Variants in FAT1 observed in about 807,000 individuals in gnomAD.
FAT1 encodes protocadherin Fat 1.
Under a neutral mutation model 329.8 loss-of-function variants are expected in FAT1, and 171 were observed. That is an observed-to-expected ratio of 0.52 (90% CI 0.46 to 0.59). The LOEUF (loss-of-function observed/expected upper bound fraction) is 0.59. Ranked by LOEUF, FAT1 falls within the 20% of genes least tolerant of loss-of-function variation. The pLI is 0.00. For synonymous variants in FAT1, 2,233 were observed against 2,228.6 expected (o/e 1.00, Z -0.06); for missense variants, 5,672 against 5,774.4 (o/e 0.98, Z 0.57).
At chr4:186,687,197 C>A (rs1159988760) in intron 2 of FAT1, among the ~76,000 whole-genome samples, 1 of 152,140 alleles carries the variant, frequency 6.6e-6, no homozygotes, top group Non-Finnish European at 1.5e-5. Context: ...AAACACACAA[C>A]CAGAACCACA....
In FAT1 at chr4:186,708,162, T is replaced by C. The variant is rs2126694311; in HGVS notation, c.1666A>G (p.Thr556Ala). ...TCATTCAAGTTATTGAGAGTAATTG[T>C]AGCAAGGACTTCGACTTCCCGGCGG... ...PYRREVEVLATITLNNLNDNT... is the reference protein window; with the variant it reads ...PYRREVEVLAAITLNNLNDNT... Residue 556 changes from threonine to alanine, a missense_variant, in exon 2 of 27, where the codon ACA becomes GCA. Physicochemically the swap from Thr to Ala is moderately conservative, Grantham distance 58. Around this residue, in one of 2 missense-constraint regions of FAT1, gnomAD observed 3,966 missense variants for 3,915.2 expected, o/e 1.01. Coordinates refer to ENST00000441802, the MANE Select transcript of FAT1 (RefSeq NM_005245.4). 1 of 1,613,974 alleles carries C rather than the reference T, an allele frequency of 6.2e-7. No homozygotes were observed. Among genetic ancestry groups the C allele is most frequent in the South Asian group, 1.1e-5 (1 of 91,076 alleles).
chr4:186,621,501 T>C lies in FAT1; in HGVS notation c.5085A>G (p.Ser1695=), dbSNP rs764706630. 2 of 1,614,046 alleles carry C rather than the reference T, an allele frequency of 1.2e-6. No individual in the cohort carries two copies. Among genetic ancestry groups the C allele is most frequent in the East Asian group, 4.5e-5 (2 of 44,880 alleles). The stretch of plus-strand genomic sequence containing the variant: ...CATCTTTTATTTCATACACCACTGA[T>C]GATTGACTATGGGCTGTAACCATCC... ...FVGMVTAHSQ[S]SVVYEIKDGN... The change falls in exon 10 of 27, where the codon TCA becomes TCG. Residue 1695 remains serine, a synonymous_variant. Coordinates refer to ENST00000441802, the MANE Select transcript of FAT1 (RefSeq NM_005245.4).
chr4:186,642,767 A>T (rs1356392785), intron 3 of FAT1, among the ~76,000 whole-genome samples: 3 of 152,190 alleles, frequency 2.0e-5, no homozygotes, highest in Non-Finnish European at 4.4e-5. Context: ...GACTCAGACC[A>T]CACCCACAGA....
intron 2 of FAT1, among the ~76,000 whole-genome samples, chr4:186,685,525 G>A (rs1457375767): frequency 6.6e-6 from 1 of 152,172 alleles, no homozygotes; most frequent in Non-Finnish European, 1.5e-5. Context: ...CCTTAGGTAA[G>A]GATTACGCAG....
Position 186,659,045 on chromosome 4 carries a change from C to T in FAT1, c.3580+4254G>A, listed in dbSNP as rs374947938. Among the ~76,000 whole-genome samples the T allele has an allele frequency of 6.6e-5, 10 of 152,328 alleles. No individual in the cohort carries two copies. The South Asian group carries it at 1.0e-3, about 16-fold the overall frequency. On this transcript the variant is annotated intron_variant, in intron 3 of 26. Coordinates refer to ENST00000441802, the MANE Select transcript of FAT1 (RefSeq NM_005245.4). ...TATACGATCGAACCGCACATACGAC[C>T]GTGGTTGTGAAAGATTAATACCACA...
chr4:186,664,784 GTTC>G (rs1057181847), intron 2 of FAT1, among the ~76,000 whole-genome samples: 1 of 152,122 alleles, frequency 6.6e-6, no homozygotes, highest in Admixed American at 6.6e-5. Context: ...TACTTTCAGT[GTTC>G]TTCTACACCA....
At chr4:186,692,988 T>C (rs1409432759) in intron 2 of FAT1, among the ~76,000 whole-genome samples, 1 of 152,208 alleles carries the variant, frequency 6.6e-6, no homozygotes, top group Non-Finnish European at 1.5e-5. Flanking sequence ...ATCTTTGTGA[T>C]AGAAAATGAA....
chr4:186,590,148 T>C (rs781431703), intron 26 of FAT1, among the ~76,000 whole-genome samples: 8 of 126,034 alleles, frequency 6.3e-5, no homozygotes, highest in Non-Finnish European at 1.3e-4. Context: ...AATTTTGGAA[T>C]AGTTTTTTTT....
chr4:186,686,391 T>C (rs1367451254), intron 2 of FAT1, among the ~76,000 whole-genome samples: 2 of 152,194 alleles, frequency 1.3e-5, no homozygotes, highest in Non-Finnish European at 2.9e-5. Flanking sequence ...TAATGAAGAA[T>C]AAAATATGTG....
At chr4:186,661,069 TA>T (rs770413711) in intron 3 of FAT1, among the ~76,000 whole-genome samples, 2 of 152,192 alleles carry the variant, frequency 1.3e-5, no homozygotes, top group Non-Finnish European at 2.9e-5. Flanking sequence ...CAAATTACTA[TA>T]GGGGTAGTTC....
chr4:186,724,334 T>A (rs1419750131), upstream of FAT1, among the ~76,000 whole-genome samples: 1 of 152,006 alleles, frequency 6.6e-6, no homozygotes, highest in Admixed American at 6.6e-5. This position sits in a 1 kb window ranked among gnomAD's most constrained non-coding sequence, Gnocchi z 5.3. Flanking sequence ...GCTGAAGTCG[T>A]CCTTCAGGTC....
chr4:186,695,802 CAT>C (rs1744004423), intron 2 of FAT1, among the ~76,000 whole-genome samples: 1 of 146,808 alleles, frequency 6.8e-6, no homozygotes, highest in Non-Finnish European at 1.5e-5. Context: ...CACACACACA[CAT>C]TTTTGAGACG....
chr4:186,634,642 T>C (rs1428906943), intron 6 of FAT1, among the ~76,000 whole-genome samples: 1 of 147,930 alleles, frequency 6.8e-6, no homozygotes, highest in Non-Finnish European at 1.5e-5. Flanking sequence ...AGATAGTCAC[T>C]GGAAATAAAA....
chr4:186,641,997 ACT>A (rs1378406411), intron 3 of FAT1, among the ~76,000 whole-genome samples: 1 of 141,110 alleles, frequency 7.1e-6, no homozygotes, highest in African/African-American at 2.7e-5. Flanking sequence ...ACAGAGCAAA[ACT>A]CTGTCAAAAA....
At chr4:186,617,222 G>A in intron 10 of FAT1, 21 bp from the exon 11 acceptor site, 2 of 1,488,190 alleles carry the variant, frequency 1.3e-6, no homozygotes, top group South Asian at 2.6e-5. Context: ...AATGGAGGAA[G>A]ATAATAATCA....
At position 186,708,375 on chromosome 4, in the gene FAT1, G is replaced by C. The variant is rs1360260127; in HGVS notation, c.1453C>G (p.Leu485Val). 2.5e-6 allele frequency: 4 copies of C among 1,613,776 alleles called. No homozygotes were observed. Among genetic ancestry groups the C allele is most frequent in the Non-Finnish European group, 2.5e-6 (3 of 1,179,872 alleles). ...CCCTCATCAGGGTCTACGGCACTCA[G>C]GCTCATGACAGTAGTACCAATGGGC... ...NVPIGTTVMS[L>V]SAVDPDEGEN... The change falls in exon 2 of 27, where the codon CTG (leucine) becomes GTG (valine). Residue 485 changes from leucine to valine, a missense_variant. Physicochemically the swap from Leu to Val is conservative, Grantham distance 32. Coordinates refer to ENST00000441802, the MANE Select transcript of FAT1 (RefSeq NM_005245.4).
Position 186,639,730 on chromosome 4 carries a change from T to C in FAT1, c.3634A>G (p.Ile1212Val), listed in dbSNP as rs1479522354. Residue 1212 changes from isoleucine (I) to valine (V), a missense_variant, in exon 4 of 27, where the codon ATA (isoleucine) becomes GTA (valine). Physicochemically the swap from Ile to Val is conservative, Grantham distance 29. Around this residue, in one of 2 missense-constraint regions of FAT1, gnomAD observed 3,966 missense variants for 3,915.2 expected, o/e 1.01. Transcript: ENST00000441802. ...ATAAAAAAAAAACTTACCTCTAATATGTGTTCATCTTGCTGTTCTCGGTCT... is the reference window on the plus strand; with the variant it reads ...ATAAAAAAAAAACTTACCTCTAATACGTGTTCATCTTGCTGTTCTCGGTCT... The part of the protein sequence containing the change: ...KLDREQQDEH[I>V]LEVTVTDNGS... 6 of 1,609,894 alleles carry C rather than the reference T, an allele frequency of 3.7e-6. No individual in the cohort carries two copies. The highest frequency in any genetic ancestry group is 2.7e-5 in the African/African-American group (2 of 74,620).
chr4:186,672,723 C>T (rs987897475), intron 2 of FAT1, among the ~76,000 whole-genome samples: 5 of 152,228 alleles, frequency 3.3e-5, no homozygotes, highest in Admixed American at 2.0e-4. Context: ...AGAAGTCACA[C>T]AGTCCATTAG....
chr4:186,701,206 T>G (rs1448569202), intron 2 of FAT1, among the ~76,000 whole-genome samples: 1 of 152,208 alleles, frequency 6.6e-6, no homozygotes, highest in Non-Finnish European at 1.5e-5. Context: ...AGATCCTATT[T>G]TCACCTTAAC....
Sources: allele counts gnomAD v4.1 joint callset (sites outside exome capture counted in the v4.1 genomes callset), GRCh38; gene constraint gnomAD v4.1.1; regional missense constraint gnomAD v4.1.1; non-coding constraint Gnocchi (gnomAD v3.1); transcripts MANE v1.5; gene names NCBI Gene and HGNC (gene_info 2026-07-23, HGNC 2026-07-21).